The following SHANK2 variants were observed in gnomAD, a reference collection of about 807,000 sequenced individuals.
SHANK2 encodes SH3 and multiple ankyrin repeat domains protein 2.
Under a neutral mutation model 133.7 loss-of-function variants are expected in SHANK2, and 43 were observed. The ratio of observed to expected loss-of-function variants is 0.32; its 90% CI spans 0.25 to 0.41. The LOEUF is 0.41. Among genes scored for constraint, SHANK2 ranks in the 10% least tolerant of loss-of-function variants. The pLI is 1.00. For synonymous variants in SHANK2, 1,017 were observed against 952.8 expected (o/e 1.07, Z -1.24); for missense variants, 1,994 against 2,235.8 (o/e 0.89, Z 2.18).
intron 17 of SHANK2, among the ~76,000 whole-genome samples, chr11:70,521,848 G>C (rs2059334740): frequency 6.6e-6 from 1 of 152,208 alleles, no homozygotes; most frequent in Admixed American, 6.5e-5. Flanking sequence ...CCCTGCACCT[G>C]ACTGCAGCCA....
chr11:70,792,216 CAACT>C (rs1299173572), intron 14 of SHANK2, among the ~76,000 whole-genome samples: 4 of 152,008 alleles, frequency 2.6e-5, no homozygotes, highest in Admixed American at 6.5e-5. Flanking sequence ...ACCAACCAAC[CAACT>C]AATCAGTCAG....
At chr11:71,120,814 T>G (rs1565462891) in intron 3 of SHANK2, among the ~76,000 whole-genome samples, 1 of 152,176 alleles carries the variant, frequency 6.6e-6, no homozygotes, top group Non-Finnish European at 1.5e-5. Context: ...CAGGAATCCT[T>G]CTAGGCCCCT....
chr11:70,561,957 C>T (rs2059912835), intron 17 of SHANK2, among the ~76,000 whole-genome samples: 1 of 152,196 alleles, frequency 6.6e-6, no homozygotes, highest in Non-Finnish European at 1.5e-5. Flanking sequence ...CCCTTACAGA[C>T]ACTTTAGAGG....
At chr11:71,125,581 T>G (rs1164347469) in intron 3 of SHANK2, among the ~76,000 whole-genome samples, 9 of 152,008 alleles carry the variant, frequency 5.9e-5, no homozygotes, top group Non-Finnish European at 1.0e-4. Context: ...CCAGCAGAGG[T>G]TTATTCATGA....
chr11:71,225,910 G>C (rs1315200038), intron 1 of SHANK2, among the ~76,000 whole-genome samples: 1 of 152,210 alleles, frequency 6.6e-6, no homozygotes, highest in Non-Finnish European at 1.5e-5. Flanking sequence ...GATCACTCAA[G>C]GTTAGAAGTT....
In SHANK2 at chr11:71,092,425, G is replaced by T; in HGVS notation, c.909C>A (p.His303Gln). Residue 303 changes from histidine to glutamine, a missense_variant, in exon 8 of 26, where the codon CAC becomes CAA. Coordinates refer to ENST00000601538, the MANE Select transcript of SHANK2 (RefSeq NM_012309.5). ...CKDENGWHEI[H>Q]QACRYGHVQH... ...GTGGAGAAGCGGGCCCACGTACCTGGTGGATCTCGTGCCAGCCGTTCTCAT... is the reference window on the plus strand; with the variant it reads ...GTGGAGAAGCGGGCCCACGTACCTGTTGGATCTCGTGCCAGCCGTTCTCAT... The T allele has an allele frequency of 6.4e-7, 1 of 1,551,350 alleles. No individual in the cohort carries two copies. The highest frequency in any genetic ancestry group is 8.7e-7 in the Non-Finnish European group (1 of 1,146,880).
At position 70,503,465 on chromosome 11, in the gene SHANK2, C is replaced by T. The variant is rs143546056; in HGVS notation, c.2062-534G>A. Among the ~76,000 whole-genome samples, 204 of 152,314 alleles carry T rather than the reference C, an allele frequency of 1.3e-3. 2 individuals carry two copies. The East Asian group carries it at 0.023, about 17-fold the overall frequency. ...CCCACTCCCTCCCTCCCTGCTCTCC[C>T]GCTCCAGAGGCCTGGGAAGGCAGAA... is the stretch of plus-strand genomic sequence containing the variant. On this transcript the variant is annotated intron_variant, in intron 17 of 25. Transcript: ENST00000601538.
At chr11:70,949,738 C>A (rs1318063646) in intron 10 of SHANK2, among the ~76,000 whole-genome samples, 1 of 152,202 alleles carries the variant, frequency 6.6e-6, no homozygotes, top group Admixed American at 6.5e-5. Context: ...CCTCCCTGGG[C>A]CCCCGTGGCC....
intron 2 of SHANK2, among the ~76,000 whole-genome samples, chr11:71,201,694 G>A (rs1252308566): frequency 6.6e-6 from 1 of 152,224 alleles, no homozygotes. Flanking sequence ...GCCACAGAGT[G>A]GGTACAAAGC....
At chr11:70,528,263 C>T (rs2059423981) in intron 17 of SHANK2, among the ~76,000 whole-genome samples, 1 of 152,194 alleles carries the variant, frequency 6.6e-6, no homozygotes, top group African/African-American at 2.4e-5. Context: ...ACGTGGCTCT[C>T]GGGCTGCTGT....
At chr11:71,228,805 C>A (rs748140310) in intron 1 of SHANK2, among the ~76,000 whole-genome samples, 2 of 151,990 alleles carry the variant, frequency 1.3e-5, no homozygotes, top group Admixed American at 6.6e-5. Flanking sequence ...CTTATACAAA[C>A]GTAAATCAAA....
At chr11:71,118,288 A>G (rs1952017900) in intron 4 of SHANK2, among the ~76,000 whole-genome samples, 1 of 152,182 alleles carries the variant, frequency 6.6e-6, no homozygotes, top group South Asian at 2.1e-4. Flanking sequence ...AATCAGAAGC[A>G]ACCTTTTATT....
chr11:71,083,799 C>T (rs1188226828), intron 8 of SHANK2, among the ~76,000 whole-genome samples: 4 of 152,182 alleles, frequency 2.6e-5, no homozygotes, highest in Non-Finnish European at 4.4e-5. Flanking sequence ...ATTAAAAATA[C>T]AGAATGAATA....
At chr11:70,902,359 G>A (rs1458809795) in intron 10 of SHANK2, among the ~76,000 whole-genome samples, 3 of 152,190 alleles carry the variant, frequency 2.0e-5, no homozygotes, top group East Asian at 1.9e-4. Flanking sequence ...AGGGAGGGGC[G>A]GGGCCTCCAG....
At chr11:70,755,893 C>G (rs1234272771) in intron 14 of SHANK2, among the ~76,000 whole-genome samples, 4 of 152,194 alleles carry the variant, frequency 2.6e-5, no homozygotes, top group Non-Finnish European at 4.4e-5. Context: ...AGTTTATTTC[C>G]ATCTTACAGG....
intron 15 of SHANK2, among the ~76,000 whole-genome samples, chr11:70,672,730 C>T (rs539329901): frequency 6.6e-6 from 1 of 152,354 alleles, no homozygotes; most frequent in South Asian, 2.1e-4. Context: ...CTTGTTCACT[C>T]ATTTGCTGTC....
chr11:70,818,773 C>T (rs1291324112), intron 12 of SHANK2, among the ~76,000 whole-genome samples: 1 of 152,202 alleles, frequency 6.6e-6, no homozygotes, highest in African/African-American at 2.4e-5. Context: ...CTAAGAGGAT[C>T]AGGCCTCGAC....
Position 71,175,561 on chromosome 11 carries a change from A to AGG in SHANK2, c.-12-28224_-12-28223insCC, listed in dbSNP as rs1953421813. On this transcript the variant is annotated intron_variant, in intron 2 of 25. Transcript: ENST00000601538. The surrounding 1 kb of genome is among the most constrained non-coding windows in gnomAD (Gnocchi z 4.2). Reference sequence around the variant, plus strand: ...GAGGGAGAGGGAGAGGGAGAGAGAGAGAGAGAGAGAGAGAGAGAGAGAGAG... The same window carrying AGG: ...GAGGGAGAGGGAGAGGGAGAGAGAGAGGGAGAGAGAGAGAGAGAGAGAGAGAG... 2.6e-5 allele frequency among the ~76,000 whole-genome samples: 2 copies of AGG among 77,030 alleles called. No homozygotes were observed. The highest frequency in any genetic ancestry group is 7.5e-5 in the African/African-American group (1 of 13,402). The allele number at this position is 77,030 out of a possible 152,430, so 50.5% of individuals were successfully genotyped here. A position where few individuals can be genotyped will look rare whatever the true frequency, so the allele number is the denominator to read the frequency against.
In SHANK2 at chr11:70,486,338, C is replaced by T. The variant is rs782803028; in HGVS notation, c.3955G>A (p.Val1319Met). ...KSAGLLMVHT[V>M]DATKLDNALQ... ...GCGTTGTCCAGCTTAGTGGCGTCCA[C>T]GGTGTGCACCATCAGCAGGCCAGCC... Residue 1319 changes from valine (V) to methionine (M), a missense_variant, in exon 25 of 26, where the codon GTG (valine) becomes ATG (methionine). Val to Met is a conservative substitution (Grantham distance 21, BLOSUM62 1). Transcript: ENST00000601538. This position sits in a 1 kb window ranked among gnomAD's most constrained non-coding sequence, Gnocchi z 8.0. 31 of 1,613,890 alleles carry T rather than the reference C, an allele frequency of 1.9e-5. 1 individual carries two copies. In the East Asian group the frequency reaches 6.7e-4, roughly 35 times the overall value.
Sources: gnomAD v4.1 joint callset for allele counts (sites outside exome capture counted in the v4.1 genomes callset) on GRCh38, gnomAD v4.1.1 for gene constraint, Gnocchi (gnomAD v3.1) non-coding constraint, MANE v1.5 for transcripts, NCBI Gene and HGNC (gene_info 2026-07-23, HGNC 2026-07-21) for gene names.